RNF185: variants seen among roughly 807,000 people sequenced by gnomAD.
RNF185 encodes the protein E3 ubiquitin-protein ligase RNF185.
Under a neutral mutation model 24.9 loss-of-function variants are expected in RNF185, and 13 were observed. That is an observed-to-expected ratio of 0.52 (90% confidence interval 0.34 to 0.83). The LOEUF is 0.83. Ranked by LOEUF, RNF185 falls within the 40% of genes least tolerant of loss-of-function variation. The probability of loss-of-function intolerance (pLI) is 0.01; values close to 1 mark genes in which losing one functional copy is unlikely to be tolerated. For synonymous variants in RNF185, 79 were observed against 90.3 expected, an observed-to-expected ratio of 0.88 and a Z score of 0.71; for missense variants, 184 against 244.7, an observed-to-expected ratio of 0.75 and a Z score of 1.65.
intron 2 of RNF185, among the ~76,000 whole-genome samples, chr22:31,189,276 A>C (rs1423832845): frequency 9.4e-6 from 1 of 105,830 alleles, no homozygotes; most frequent in African/African-American, 4.2e-5. Flanking sequence ...CAGCTGTTGT[A>C]TATCTTTTTT....
chr22:31,173,408 CACACACAG>C lies in RNF185; in HGVS notation c.-49+13113_-49+13120del, dbSNP rs1555881056. On this transcript the variant is annotated intron_variant, in intron 1 of 6. Transcript: ENST00000326132. Reference sequence around the variant, plus strand: ...CATCAGATCTGTCAACTCATTCACACACACACAGACACACACACACACACACACACACA... The same window carrying C: ...CATCAGATCTGTCAACTCATTCACACACACACACACACACACACACACACA... Among the ~76,000 whole-genome samples the C allele has an allele frequency of 1.5e-3, 152 of 102,586 alleles. 1 individual carries two copies. The highest frequency in any genetic ancestry group is 6.0e-3 in the African/African-American group (148 of 24,694). The allele number at this position is 102,586 out of a possible 152,430, so 67.3% of individuals were successfully genotyped here.
chr22:31,167,195 A>T (rs1444374624), intron 1 of RNF185, among the ~76,000 whole-genome samples: 1 of 151,912 alleles, frequency 6.6e-6, no homozygotes, highest in Non-Finnish European at 1.5e-5. Flanking sequence ...ATTTTTTTTG[A>T]GATAGGGTCT....
intron 1 of RNF185, among the ~76,000 whole-genome samples, chr22:31,182,765 C>T (rs1299202657): frequency 2.6e-5 from 4 of 151,972 alleles, no homozygotes; most frequent in African/African-American, 9.7e-5. Context: ...CCAATCCTGT[C>T]CATGCTATTT....
Position 31,187,254 on chromosome 22 carries a change from T to G in RNF185, c.160T>G (p.Cys54Gly). 1 of 1,614,024 alleles carries G rather than the reference T, an allele frequency of 6.2e-7. No homozygotes were observed. Among genetic ancestry groups the G allele is most frequent in the Non-Finnish European group, 8.5e-7 (1 of 1,179,902 alleles). The part of the protein sequence containing the change: ...DTAKDAVISL[C>G]GHLFCWPCLH... ...AGCCAAGGATGCCGTCATCAGCCTGTGTGGCCACCTCTTCTGGTCAGTACC... is the reference window on the plus strand; with the variant it reads ...AGCCAAGGATGCCGTCATCAGCCTGGGTGGCCACCTCTTCTGGTCAGTACC... Residue 54 changes from cysteine (C) to glycine (G), a missense_variant, in exon 2 of 7, where the codon TGT becomes GGT. Physicochemically the swap from Cys to Gly is radical, Grantham distance 159. Coordinates refer to ENST00000326132, the MANE Select transcript of RNF185 (RefSeq NM_152267.4).
intron 2 of RNF185, among the ~76,000 whole-genome samples, chr22:31,192,441 G>C (rs2048164214): frequency 6.6e-6 from 1 of 152,078 alleles, no homozygotes; most frequent in Non-Finnish European, 1.5e-5. Context: ...GGCAGAGGCT[G>C]GGGTCTTATC....
chr22:31,163,866 GT>G (rs1414289979), intron 1 of RNF185, among the ~76,000 whole-genome samples: 1 of 151,736 alleles, frequency 6.6e-6, no homozygotes, highest in African/African-American at 2.4e-5. Context: ...TGGAGACGGG[GT>G]TTCACCATGT....
At position 31,206,881 on chromosome 22, in the gene RNF185, C is replaced by T. The variant is rs2048319579; in HGVS notation, c.*2295C>T. ...TAGCCTCCACCCTCCTCCTGCCACC[C>T]TTGTGGACTAGGACCAGGTCCTGAC... is the stretch of plus-strand genomic sequence containing the variant. On this transcript the variant is annotated 3_prime_UTR_variant, in exon 7 of 7. Coordinates refer to ENST00000326132, the MANE Select transcript of RNF185 (RefSeq NM_152267.4). The T allele has an allele frequency of 6.6e-6, 1 of 152,296 alleles. No homozygotes were observed. The allele number at this position is 152,296 out of a possible 1,614,324, so 9.4% of individuals were successfully genotyped here.
At chr22:31,183,935 C>CT (rs2048066504) in intron 1 of RNF185, among the ~76,000 whole-genome samples, 1 of 506 alleles carries the variant, frequency 2.0e-3, no homozygotes, top group Non-Finnish European at 4.6e-3. Context: ...GGCAGAGGGG[C>CT]TCCCACCTCC....
At chr22:31,168,187 A>C (rs1377397873) in intron 1 of RNF185, among the ~76,000 whole-genome samples, 1 of 152,088 alleles carries the variant, frequency 6.6e-6, no homozygotes, top group South Asian at 2.1e-4. Flanking sequence ...AGAATCATAC[A>C]GTATTTGTCC....
In RNF185 at chr22:31,204,804, G is replaced by A; in HGVS notation, c.*218G>A. On this transcript the variant is annotated 3_prime_UTR_variant, in exon 7 of 7. Coordinates refer to ENST00000326132, the MANE Select transcript of RNF185 (RefSeq NM_152267.4). ...CGCTGTAAACACTCTATAACTTCAG[G>A]CCTTGGCATTGAGTCATCTCTCATG... The A allele has an allele frequency of 2.0e-6, 1 of 509,320 alleles. No homozygotes were observed. Among genetic ancestry groups the A allele is most frequent in the Non-Finnish European group, 3.6e-6 (1 of 278,604 alleles). 31.6% of individuals were successfully genotyped at this position (509,320 alleles called of 1,614,324 possible).
chr22:31,167,638 G>T, intron 1 of RNF185, among the ~76,000 whole-genome samples: 1 of 115,214 alleles, frequency 8.7e-6, no homozygotes, highest in South Asian at 2.7e-4. Flanking sequence ...TTTTGAGACA[G>T]TCTCACTCCG....
chr22:31,166,044 T>C (rs755207485), intron 1 of RNF185, among the ~76,000 whole-genome samples: 2 of 152,132 alleles, frequency 1.3e-5, no homozygotes, highest in African/African-American at 2.4e-5. Flanking sequence ...CAGGCTGGAG[T>C]GCAGTGGCAC....
rs1366003184 is a variant in RNF185, at chr22:31,195,471, G to A, written c.198G>A (p.Trp66Ter). 6.2e-7 allele frequency: 1 copy of A among 1,601,542 alleles called. No individual in the cohort carries two copies. Among genetic ancestry groups the A allele is most frequent in the Non-Finnish European group, 8.5e-7 (1 of 1,174,176 alleles). Reference protein sequence around the residue: ...HLFCWPCLHQWLETRPNRQVC... With the variant: ...HLFCWPCLHQ ...GCATTTTTCTCTCCTGTTTGCAGTG[G>A]TTGGAGACCAGACCTAACAGACAGG... The change falls in exon 4 of 7, where the codon TGG becomes TGA. Residue 66 changes from tryptophan to a stop codon, truncating the protein, a stop_gained and splice_region_variant. Transcript: ENST00000326132. LOFTEE classifies it high-confidence loss of function.
chr22:31,187,517 C>T (rs542196790), intron 2 of RNF185, among the ~76,000 whole-genome samples: 1 of 152,352 alleles, frequency 6.6e-6, no homozygotes, highest in African/African-American at 2.4e-5. Flanking sequence ...TTAGTGAGCA[C>T]TTACTACCTG....
rs543616282 is a variant in RNF185 at position 31,164,173 on chromosome 22, G to A, written c.-49+3870G>A. Among the ~76,000 whole-genome samples the A allele has an allele frequency of 2.8e-4, 42 of 151,556 alleles. No individual in the cohort carries two copies. In the East Asian group the frequency reaches 7.6e-3, roughly 27 times the overall value. On this transcript the variant is annotated intron_variant, in intron 1 of 6. Transcript: ENST00000326132. ...ATTTTTGTATTTTTAGTAGAGGTGG[G>A]TTTCACCGTGTTGGCCAGGCTGGTC... is the stretch of plus-strand genomic sequence containing the variant.
chr22:31,185,217 A>G (rs1010998843), intron 1 of RNF185, among the ~76,000 whole-genome samples: 1 of 152,120 alleles, frequency 6.6e-6, no homozygotes, highest in African/African-American at 2.4e-5. Flanking sequence ...ATTATGTAAA[A>G]TGATGTAACT....
intron 1 of RNF185, among the ~76,000 whole-genome samples, chr22:31,160,767 T>C (rs2147911164): frequency 6.6e-6 from 1 of 152,332 alleles, no homozygotes; most frequent in South Asian, 2.1e-4. Context: ...GCCTCAGTTT[T>C]CTCGTCTCTA....
At chr22:31,204,432 G>T in intron 6 of RNF185, 57 bp from the exon 7 acceptor site, 1 of 1,019,762 alleles carries the variant, frequency 9.8e-7, no homozygotes, top group Non-Finnish European at 1.6e-6. Context: ...GCCTGAGTGG[G>T]CAGTGTGCAT....
At position 31,206,927 on chromosome 22, in the gene RNF185, A is replaced by T. The variant is rs2048320090; in HGVS notation, c.*2341A>T. On this transcript the variant is annotated 3_prime_UTR_variant, in exon 7 of 7. Transcript: ENST00000326132. Reference sequence around the variant, plus strand: ...CTGACCCCAGTCAGAAAATGATGATATGTACAGTGGCACACCTTAACCAGT... The same window carrying T: ...CTGACCCCAGTCAGAAAATGATGATTTGTACAGTGGCACACCTTAACCAGT... 1 of 152,230 alleles carries T rather than the reference A, an allele frequency of 6.6e-6. No homozygotes were observed. Among genetic ancestry groups the T allele is most frequent in the Non-Finnish European group, 1.5e-5 (1 of 68,040 alleles). 9.4% of individuals were successfully genotyped at this position (152,230 alleles called of 1,614,324 possible).
Sources: gnomAD v4.1 joint callset for allele counts (sites outside exome capture counted in the v4.1 genomes callset) on GRCh38, gnomAD v4.1.1 for gene constraint, MANE v1.5 for transcripts, NCBI Gene and HGNC (gene_info 2026-07-23, HGNC 2026-07-21) for gene names.